STXBP5L: variants seen among roughly 807,000 people sequenced by gnomAD.
STXBP5L encodes the protein syntaxin binding protein 5L.
STXBP5L carries 65 observed loss-of-function variants against 144.5 expected under a neutral mutation model. The observed-to-expected ratio is 0.45, with a 90% CI of 0.37 to 0.55. The LOEUF (loss-of-function observed/expected upper bound fraction) is 0.55, where lower values mean the gene tolerates loss of function less well. STXBP5L is among the 20% of genes least tolerant of loss of function. The probability of loss-of-function intolerance (pLI) is 0.00; values close to 1 mark genes in which losing one functional copy is unlikely to be tolerated. For synonymous variants in STXBP5L, 505 were observed against 469.6 expected (o/e 1.08, Z -0.97); for missense variants, 1,298 against 1,405.5 (o/e 0.92, Z 1.22).
chr3:120,912,877 A>G (rs1708917524), intron 2 of STXBP5L, among the ~76,000 whole-genome samples: 1 of 151,872 alleles, frequency 6.6e-6, no homozygotes, highest in African/African-American at 2.4e-5. Context: ...CCCTAAGTAT[A>G]CTGCATTCCC....
At chr3:121,029,944 T>C (rs762521131) in intron 3 of STXBP5L, among the ~76,000 whole-genome samples, 2 of 152,146 alleles carry the variant, frequency 1.3e-5, no homozygotes, top group African/African-American at 4.8e-5. Flanking sequence ...TCATCGCTGG[T>C]CATTAGAGAA....
In STXBP5L at chr3:120,968,139, C is replaced by T. The variant is rs114774841; in HGVS notation, c.287+13102C>T. On this transcript the variant is annotated intron_variant, in intron 3 of 26. Coordinates refer to ENST00000471454, the MANE Select transcript of STXBP5L (RefSeq NM_001308330.2). ...CCATTTGGTCAAGAGTTCAGTTTAG[C>T]TCTGATGTTTCTTAGTTGATTTTCT... 4.6e-3 allele frequency among the ~76,000 whole-genome samples: 700 copies of T among 152,194 alleles called. 6 individuals carry two copies. Among genetic ancestry groups the T allele is most frequent in the African/African-American group, 0.016 (661 of 41,546 alleles).
intron 3 of STXBP5L, among the ~76,000 whole-genome samples, chr3:121,017,536 TC>T (rs1945228052): frequency 6.6e-6 from 1 of 152,166 alleles, no homozygotes; most frequent in African/African-American, 2.4e-5. Context: ...ATGTAGCACA[TC>T]CCACAGAATC....
In STXBP5L at chr3:121,052,310, C is replaced by G. The variant is rs990972190; in HGVS notation, c.470+6775C>G. 2.6e-5 allele frequency among the ~76,000 whole-genome samples: 4 copies of G among 152,152 alleles called. No individual in the cohort carries two copies. The South Asian group carries it at 6.2e-4, about 24-fold the overall frequency. On this transcript the variant is annotated intron_variant, in intron 5 of 26. Transcript: ENST00000471454. The stretch of plus-strand genomic sequence containing the variant: ...ATAACCAAAAAAGAGAATTTAAGAC[C>G]AATATCCCTGATGAACATCGATGCA...
intron 2 of STXBP5L, among the ~76,000 whole-genome samples, chr3:120,952,077 T>C (rs1465568851): frequency 6.6e-6 from 1 of 151,038 alleles, no homozygotes; most frequent in Non-Finnish European, 1.5e-5. Flanking sequence ...ACACCGCATA[T>C]TCTCACTCAT....
At chr3:121,139,304 G>A (rs1012015629) in intron 7 of STXBP5L, among the ~76,000 whole-genome samples, 3 of 151,974 alleles carry the variant, frequency 2.0e-5, no homozygotes, top group Admixed American at 6.6e-5. Context: ...TCATGATTTG[G>A]TCATTACACA....
chr3:121,206,936 A>G (rs1213026884), intron 10 of STXBP5L, among the ~76,000 whole-genome samples: 1 of 152,208 alleles, frequency 6.6e-6, no homozygotes, highest in Non-Finnish European at 1.5e-5. Flanking sequence ...CATTAAATTT[A>G]TTTTAATTCA....
intron 20 of STXBP5L, among the ~76,000 whole-genome samples, chr3:121,344,706 T>C (rs1425970351): frequency 1.3e-5 from 2 of 151,976 alleles, no homozygotes; most frequent in Non-Finnish European, 2.9e-5. Context: ...TTAATAATTC[T>C]ATAACTATAT....
intron 3 of STXBP5L, among the ~76,000 whole-genome samples, chr3:120,961,268 T>C (rs902445893): frequency 4.7e-5 from 7 of 150,144 alleles, no homozygotes; most frequent in Non-Finnish European, 1.0e-4. Context: ...TAGTCTTTCT[T>C]TTTTTGTTTT....
In STXBP5L at chr3:121,389,885, G is replaced by A. The variant is rs115443520; in HGVS notation, c.2587+8353G>A. Among the ~76,000 whole-genome samples, 1,276 of 152,320 alleles carry A rather than the reference G, an allele frequency of 8.4e-3. 17 individuals carry two copies. The highest frequency in any genetic ancestry group is 0.029 in the African/African-American group (1,211 of 41,570). ...CTGTTGATTTGGGATGGAATGTTCTGTAGATGTCTATTACGTCTGCTTGTT... is the reference window on the plus strand; with the variant it reads ...CTGTTGATTTGGGATGGAATGTTCTATAGATGTCTATTACGTCTGCTTGTT... On this transcript the variant is annotated intron_variant, in intron 22 of 26. Transcript: ENST00000471454.
intron 1 of STXBP5L, among the ~76,000 whole-genome samples, chr3:120,908,785 G>A (rs1027485868): frequency 2.0e-5 from 3 of 151,004 alleles, no homozygotes; most frequent in Admixed American, 2.0e-4. Flanking sequence ...GAGCGCGGCG[G>A]CGGCTGCGGG....
At position 121,086,803 on chromosome 3, in the gene STXBP5L, A is replaced by G. The variant is rs185822155; in HGVS notation, c.471-28122A>G. ...GGTTTTGGGATACTCAACCTGTACC[A>G]TGTAATCTATCTGTATAAAAAGGTG... On this transcript the variant is annotated intron_variant, in intron 5 of 26. Transcript: ENST00000471454. Among the ~76,000 whole-genome samples, 125 of 152,184 alleles carry G rather than the reference A, an allele frequency of 8.2e-4. 1 individual carries two copies. Among genetic ancestry groups the G allele is most frequent in the Non-Finnish European group, 1.4e-3 (98 of 67,930 alleles).
Position 121,064,540 on chromosome 3 carries a change from C to T in STXBP5L, c.470+19005C>T, listed in dbSNP as rs73855313. 7.0e-3 allele frequency among the ~76,000 whole-genome samples: 1,069 copies of T among 152,302 alleles called. 7 individuals are homozygous for T. The highest frequency in any genetic ancestry group is 0.025 in the African/African-American group (1,030 of 41,562). On this transcript the variant is annotated intron_variant, in intron 5 of 26. Coordinates refer to ENST00000471454, the MANE Select transcript of STXBP5L (RefSeq NM_001308330.2). Reference sequence around the variant, plus strand: ...TATAGATCATTTTCGGGAGAACTGACATGACTGTGGGAGATGGCAATATTG... The same window carrying T: ...TATAGATCATTTTCGGGAGAACTGATATGACTGTGGGAGATGGCAATATTG...
At chr3:121,061,650 T>C (rs1001778441) in intron 5 of STXBP5L, among the ~76,000 whole-genome samples, 9 of 152,234 alleles carry the variant, frequency 5.9e-5, no homozygotes, top group African/African-American at 2.2e-4. Context: ...ATCCGGGTGC[T>C]CCTGTATGTG....
chr3:121,215,995 G>T (rs147069564), intron 10 of STXBP5L, among the ~76,000 whole-genome samples: 3 of 151,980 alleles, frequency 2.0e-5, no homozygotes, highest in East Asian at 1.9e-4. Flanking sequence ...TATCAATTTG[G>T]CTATTGATAC....
intron 23 of STXBP5L, among the ~76,000 whole-genome samples, chr3:121,410,325 G>A (rs894993147): frequency 2.0e-5 from 3 of 151,862 alleles, no homozygotes; most frequent in East Asian, 1.9e-4. Flanking sequence ...TTGATATTGT[G>A]TCATAGTAGA....
intron 3 of STXBP5L, among the ~76,000 whole-genome samples, chr3:120,968,789 A>G (rs1458230819): frequency 2.6e-5 from 4 of 152,200 alleles, no homozygotes; most frequent in African/African-American, 7.2e-5. Context: ...TCTCACTTAA[A>G]ACATATGATA....
chr3:121,257,408 T>A, intron 17 of STXBP5L, 75 bp downstream of exon 17: 1 of 1,344,878 alleles, frequency 7.4e-7, no homozygotes, highest in Non-Finnish European at 1.0e-6. Context: ...CAAATGAAAT[T>A]AATTTTCTCT....
At chr3:121,414,836 CT>C (rs750044333) in intron 24 of STXBP5L, among the ~76,000 whole-genome samples, 9 of 152,136 alleles carry the variant, frequency 5.9e-5, no homozygotes, top group Non-Finnish European at 1.3e-4. Context: ...AATAAATATT[CT>C]GGTTATAGTA....
Sources: gnomAD v4.1 joint callset for allele counts (sites outside exome capture counted in the v4.1 genomes callset) on GRCh38, gnomAD v4.1.1 for gene constraint, MANE v1.5 for transcripts, NCBI Gene and HGNC (gene_info 2026-07-23, HGNC 2026-07-21) for gene names.